SETD3: variants seen among roughly 807,000 people sequenced by gnomAD.
SETD3 encodes actin-histidine N-methyltransferase.
SETD3 carries 19 observed loss-of-function variants against 63.0 expected under a neutral mutation model. The observed-to-expected ratio is 0.30, with a 90% confidence interval of 0.21 to 0.44. The LOEUF (loss-of-function observed/expected upper bound fraction) is 0.44. SETD3 is among the 20% of genes least tolerant of loss of function. The probability of loss-of-function intolerance (pLI) is 1.00; values close to 1 mark genes in which losing one functional copy is unlikely to be tolerated. For synonymous variants in SETD3, 286 were observed against 264.1 expected, an observed-to-expected ratio of 1.08 and a Z score of -0.80; for missense variants, 587 against 728.5, an observed-to-expected ratio of 0.81 and a Z score of 2.24.
rs55804663 is a variant in SETD3 at position 99,403,455 on chromosome 14, ACTCTCTCTCT to A, written c.1177+760_1177+769del. 4.0e-3 allele frequency among the ~76,000 whole-genome samples: 548 copies of A among 135,412 alleles called. 5 individuals are homozygous for A. Among genetic ancestry groups the A allele is most frequent in the Non-Finnish European group, 4.9e-3 (311 of 64,052 alleles). 88.8% of individuals were successfully genotyped at this position (135,412 alleles called of 152,430 possible). Reference sequence around the variant, plus strand: ...TACACACACACACACACACACACACACTCTCTCTCTCTCTCTCTCTCTCTCTCTCTCTCTT... The same window carrying A: ...TACACACACACACACACACACACACACTCTCTCTCTCTCTCTCTCTCTCTT... On this transcript the variant is annotated intron_variant, in intron 11 of 12. Transcript: ENST00000331768.
In SETD3 at chr14:99,463,537, C is replaced by T. The variant is rs1481414694; in HGVS notation, c.145G>A (p.Glu49Lys). The T allele has an allele frequency of 6.2e-7, 1 of 1,614,122 alleles. No homozygotes were observed. Among genetic ancestry groups the T allele is most frequent in the East Asian group, 2.2e-5 (1 of 44,892 alleles). ...ACCAGAGTCCGGATCTGCACATACT[C>T]TTCCCACTCTTTTCCTGGGCCAGGC... ...PAPGPGKEWE[E>K]YVQIRTLVEK... Residue 49 changes from glutamate to lysine, a missense_variant, in exon 3 of 13, where the codon GAG becomes AAG. Glu to Lys is a moderately conservative substitution (Grantham distance 56, BLOSUM62 1). Coordinates refer to ENST00000331768, the MANE Select transcript of SETD3 (RefSeq NM_032233.3).
At chr14:99,475,938 A>C (rs1255938442) in intron 1 of SETD3, among the ~76,000 whole-genome samples, 4 of 152,144 alleles carry the variant, frequency 2.6e-5, no homozygotes, top group Non-Finnish European at 4.4e-5. Context: ...ATATTCAACA[A>C]CTGAGTTTTT....
chr14:99,468,928 T>C (rs943331529), intron 1 of SETD3, among the ~76,000 whole-genome samples: 2 of 152,164 alleles, frequency 1.3e-5, no homozygotes, highest in Admixed American at 6.5e-5. Flanking sequence ...GATGCCACCC[T>C]GAGCTCCCAG....
intron 6 of SETD3, among the ~76,000 whole-genome samples, chr14:99,450,516 G>T (rs553929993): frequency 6.6e-6 from 1 of 152,306 alleles, no homozygotes; most frequent in South Asian, 2.1e-4. Context: ...TTGTGAACAT[G>T]GCTGCTTGTC....
At chr14:99,403,454 CA>C (rs1891500350) in intron 11 of SETD3, among the ~76,000 whole-genome samples, 1 of 88,398 alleles carries the variant, frequency 1.1e-5, no homozygotes. Flanking sequence ...CACACACACA[CA>C]CTCTCTCTCT....
chr14:99,454,798 G>T (rs1270361314), intron 6 of SETD3, among the ~76,000 whole-genome samples: 1 of 152,244 alleles, frequency 6.6e-6, no homozygotes, highest in East Asian at 1.9e-4. Flanking sequence ...GCCCGAGCAG[G>T]CTGGCTCCAG....
intron 1 of SETD3, among the ~76,000 whole-genome samples, chr14:99,478,465 G>T (rs1896086391): frequency 6.6e-6 from 1 of 152,118 alleles, no homozygotes; most frequent in Non-Finnish European, 1.5e-5. Context: ...GAAAGATACA[G>T]TATTACTAGT....
rs1892092504 is a variant in SETD3 at position 99,413,081 on chromosome 14, T to C, written c.735-16A>G. The C allele has an allele frequency of 6.7e-7, 1 of 1,487,526 alleles. No individual in the cohort carries two copies. Among genetic ancestry groups the C allele is most frequent in the Non-Finnish European group, 9.4e-7 (1 of 1,068,508 alleles). The allele number at this position is 1,487,526 out of a possible 1,614,324, so 92.1% of individuals were successfully genotyped here. A position where few individuals can be genotyped will look rare whatever the true frequency, so the allele number is the denominator to read the frequency against. On this transcript the variant is annotated splice_polypyrimidine_tract_variant and intron_variant, in intron 7 of 12. Transcript: ENST00000331768. ...GACTGCCCACCTATAACAAGATAAA[T>C]GGTGACTTAAGGTTGGAACATTTAA...
chr14:99,442,335 G>C (rs530141564), intron 6 of SETD3, among the ~76,000 whole-genome samples: 5 of 152,322 alleles, frequency 3.3e-5, no homozygotes, highest in African/African-American at 7.2e-5. Context: ...GACAATTACA[G>C]AGCACCATCT....
chr14:99,406,613 A>T lies in SETD3; in HGVS notation c.850-23T>A, dbSNP rs150253254. On this transcript the variant is annotated intron_variant, in intron 8 of 12. Transcript: ENST00000331768. Reference sequence around the variant, plus strand: ...GATCTAGCCCGGGGAGGAGGAAGGAAATGATGGTGAGGCAAACACACGCAC... The same window carrying T: ...GATCTAGCCCGGGGAGGAGGAAGGATATGATGGTGAGGCAAACACACGCAC... 9 of 1,609,286 alleles carry T rather than the reference A, an allele frequency of 5.6e-6. No homozygotes were observed. The East Asian group carries it at 2.0e-4, about 36-fold the overall frequency.
rs769699795 is a variant in SETD3, at chr14:99,463,624, T to C, written c.104-46A>G. On this transcript the variant is annotated intron_variant, in intron 2 of 12. Coordinates refer to ENST00000331768, the MANE Select transcript of SETD3 (RefSeq NM_032233.3). ...TACTGAAACACTTCTCTCTTTCAAC[T>C]TAACCTACTAGTCTGCACAAGAAAG... 9 of 1,454,838 alleles carry C rather than the reference T, an allele frequency of 6.2e-6. No homozygotes were observed. The African/African-American group carries it at 1.3e-4, about 20-fold the overall frequency. The allele number at this position is 1,454,838 out of a possible 1,614,324, so 90.1% of individuals were successfully genotyped here.
At chr14:99,453,464 G>GGAA (rs1894577715) in intron 6 of SETD3, among the ~76,000 whole-genome samples, 4 of 152,082 alleles carry the variant, frequency 2.6e-5, no homozygotes, top group Non-Finnish European at 5.9e-5. Context: ...TGCCACCGCA[G>GGAA]TGCACCTCAT....
At position 99,400,187 on chromosome 14, in the gene SETD3, G is replaced by C. The variant is rs1188445984; in HGVS notation, c.1250C>G (p.Pro417Arg). Residue 417 changes from proline (P) to arginine (R), a missense_variant, in exon 12 of 13, where the codon CCT (proline) becomes CGT (arginine). Transcript: ENST00000331768. ...RIFTLGNSEF[P>R]VSWDNEVKLW... ...TTTGACCTCGTTGTCCCAGCTAACA[G>C]GAAATTCCGAGTTCCCCAAGGTGAA... 2 of 1,614,028 alleles carry C rather than the reference G, an allele frequency of 1.2e-6. No individual in the cohort carries two copies. Among genetic ancestry groups the C allele is most frequent in the African/African-American group, 2.7e-5 (2 of 74,914 alleles).
At chr14:99,409,543 A>G (rs945807627) in intron 8 of SETD3, among the ~76,000 whole-genome samples, 1 of 152,172 alleles carries the variant, frequency 6.6e-6, no homozygotes, top group African/African-American at 2.4e-5. Context: ...ACTCAATGGC[A>G]CACTTGGTGC....
chr14:99,478,121 T>TA (rs1343528648), intron 1 of SETD3, among the ~76,000 whole-genome samples: 4 of 151,756 alleles, frequency 2.6e-5, no homozygotes, highest in Admixed American at 6.6e-5. Flanking sequence ...TTTTCACTGA[T>TA]AAAAAAAGGG....
chr14:99,453,734 G>A (rs1035090869), intron 6 of SETD3, among the ~76,000 whole-genome samples: 1 of 151,962 alleles, frequency 6.6e-6, no homozygotes, highest in African/African-American at 2.4e-5. Flanking sequence ...GCTGAGGCAG[G>A]AGAATTGCTT....
At chr14:99,467,762 C>T (rs573121379) in intron 1 of SETD3, among the ~76,000 whole-genome samples, 1 of 152,302 alleles carries the variant, frequency 6.6e-6, no homozygotes, top group South Asian at 2.1e-4. Flanking sequence ...CTTCTCTTAA[C>T]AGTAAGTGAG....
At chr14:99,471,422 T>C (rs1895699300) in intron 1 of SETD3, among the ~76,000 whole-genome samples, 1 of 152,242 alleles carries the variant, frequency 6.6e-6, no homozygotes, top group South Asian at 2.1e-4. Context: ...AGAGATAGAT[T>C]GGCCATACCA....
intron 1 of SETD3, among the ~76,000 whole-genome samples, chr14:99,479,315 C>T (rs953576498): frequency 6.6e-6 from 1 of 152,176 alleles, no homozygotes; most frequent in Non-Finnish European, 1.5e-5. Context: ...AAGAAAAACT[C>T]CTCGGTAAAC....
Sources: gnomAD v4.1 joint callset for allele counts (sites outside exome capture counted in the v4.1 genomes callset) on GRCh38, gnomAD v4.1.1 for gene constraint, MANE v1.5 for transcripts, NCBI Gene and HGNC (gene_info 2026-07-23, HGNC 2026-07-21) for gene names.